The following RALGPS2 variants were observed in gnomAD, a reference collection of about 807,000 sequenced individuals.
RALGPS2 encodes the protein ras-specific guanine nucleotide-releasing factor RalGPS2.
Under a neutral mutation model 86.8 loss-of-function variants are expected in RALGPS2, and 43 were observed. The observed-to-expected ratio is 0.50, with a 90% CI of 0.39 to 0.64. RALGPS2 has a LOEUF of 0.64. Among genes scored for constraint, RALGPS2 ranks in the 30% least tolerant of loss-of-function variants. The pLI is 0.00. For synonymous variants in RALGPS2, 243 were observed against 231.3 expected, an observed-to-expected ratio of 1.05 and a Z score of -0.46; for missense variants, 536 against 694.6, an observed-to-expected ratio of 0.77 and a Z score of 2.57.
chr1:178,900,748 C>T (rs1329312491), intron 17 of RALGPS2, among the ~76,000 whole-genome samples: 2 of 151,942 alleles, frequency 1.3e-5, no homozygotes. Flanking sequence ...TGACACAAAC[C>T]TCTGATATAA....
chr1:178,895,870 A>G (rs1335634207), intron 16 of RALGPS2, among the ~76,000 whole-genome samples: 1 of 151,968 alleles, frequency 6.6e-6, no homozygotes, highest in African/African-American at 2.4e-5. Flanking sequence ...AGTATGGATC[A>G]TGAGGTCAGC....
At chr1:178,801,935 G>A (rs1253726069) in intron 4 of RALGPS2, among the ~76,000 whole-genome samples, 1 of 152,094 alleles carries the variant, frequency 6.6e-6, no homozygotes, top group Non-Finnish European at 1.5e-5. Flanking sequence ...AAGAGAAAAT[G>A]TTTTTGAACC....
intron 2 of RALGPS2, among the ~76,000 whole-genome samples, chr1:178,780,959 T>C (rs1316764165): frequency 6.6e-6 from 1 of 152,042 alleles, no homozygotes; most frequent in African/African-American, 2.4e-5. Flanking sequence ...TATATATGTT[T>C]GTAATATATG....
At chr1:178,754,264 C>A (rs1651841160) in intron 1 of RALGPS2, among the ~76,000 whole-genome samples, 1 of 151,016 alleles carries the variant, frequency 6.6e-6, no homozygotes, top group Non-Finnish European at 1.5e-5. Context: ...TAATTACATA[C>A]ACTATATAAT....
At chr1:178,870,272 T>C (rs1156402002) in intron 8 of RALGPS2, among the ~76,000 whole-genome samples, 1 of 152,164 alleles carries the variant, frequency 6.6e-6, no homozygotes, top group Non-Finnish European at 1.5e-5. Context: ...TATCTTAGCT[T>C]TGTTTTATGA....
At chr1:178,853,856 C>G (rs1477092854) in intron 8 of RALGPS2, 24 of 1,295,028 alleles carry the variant, frequency 1.9e-5, no homozygotes, top group Non-Finnish European at 2.1e-6. Context: ...AGTTTTTAAT[C>G]AAGATTTTTA....
chr1:178,776,393 G>A (rs1653085437), intron 1 of RALGPS2, among the ~76,000 whole-genome samples: 1 of 152,100 alleles, frequency 6.6e-6, no homozygotes, highest in Non-Finnish European at 1.5e-5. Context: ...TAAGAAAGTT[G>A]TACATTTGAT....
intron 1 of RALGPS2, among the ~76,000 whole-genome samples, chr1:178,748,572 G>T (rs1164171854): frequency 6.7e-6 from 1 of 150,084 alleles, no homozygotes; most frequent in Non-Finnish European, 1.5e-5. Context: ...GCAGGCACTG[G>T]CTGGGCACGG....
chr1:178,846,417 T>G (rs949530624), intron 8 of RALGPS2, among the ~76,000 whole-genome samples: 3 of 152,340 alleles, frequency 2.0e-5, no homozygotes, highest in Middle Eastern at 3.4e-3. Context: ...TTCACTGATT[T>G]TCTTTTGGAT....
At chr1:178,735,511 A>G (rs868222720) in intron 1 of RALGPS2, among the ~76,000 whole-genome samples, 11 of 145,452 alleles carry the variant, frequency 7.6e-5, no homozygotes, top group Admixed American at 2.1e-4. Context: ...TCTGCCTCCC[A>G]GGTCCTGCTT....
intron 6 of RALGPS2, among the ~76,000 whole-genome samples, chr1:178,813,015 C>T (rs759182520): frequency 6.9e-6 from 1 of 145,828 alleles, no homozygotes; most frequent in Non-Finnish European, 1.5e-5. Context: ...TCACTGCAAA[C>T]TCTGCCTCCC....
chr1:178,916,342 T>G lies in RALGPS2; in HGVS notation c.1735T>G (p.Leu579Val), dbSNP rs762026927. The G allele has an allele frequency of 1.2e-6, 2 of 1,602,468 alleles. No homozygotes were observed. The highest frequency in any genetic ancestry group is 1.7e-6 in the Non-Finnish European group (2 of 1,170,088). Reference sequence around the variant, plus strand: ...TTATATTTTTTAGGTTCCTACAAACTTGATGACTTTTGAGTAGAAGCCTGA... The same window carrying G: ...TTATATTTTTTAGGTTCCTACAAACGTGATGACTTTTGAGTAGAAGCCTGA... ...QSNKQQVPTN[L>V]MTFE Residue 579 changes from leucine to valine, a missense_variant, in exon 20 of 20, where the codon TTG becomes GTG. By Grantham distance (32) the Leu-to-Val change is conservative (BLOSUM62 1). This residue lies in a region of RALGPS2 where 309 missense variants were observed against 363.0 expected (regional missense o/e 0.85). Transcript: ENST00000367635.
At chr1:178,735,292 A>G (rs759341395) in intron 1 of RALGPS2, among the ~76,000 whole-genome samples, 2 of 152,130 alleles carry the variant, frequency 1.3e-5, no homozygotes, top group Non-Finnish European at 2.9e-5. Context: ...ATTTACATAA[A>G]GTTTAGGGCA....
intron 1 of RALGPS2, chr1:178,747,871 A>G: frequency 1.8e-6 from 1 of 560,992 alleles, no homozygotes; most frequent in Non-Finnish European, 3.2e-6. Context: ...TACTAAATAA[A>G]TGGGAATTAA....
In RALGPS2 at chr1:178,756,672, G is replaced by A. The variant is rs369663380; in HGVS notation, c.-83-20010G>A. Reference sequence around the variant, plus strand: ...TTTTTGGTTCCATATGAATTTTAGAGTAGTTTTTTTCTGGTTCTGTGAAAA... The same window carrying A: ...TTTTTGGTTCCATATGAATTTTAGAATAGTTTTTTTCTGGTTCTGTGAAAA... On this transcript the variant is annotated intron_variant, in intron 1 of 19. Transcript: ENST00000367635. Among the ~76,000 whole-genome samples the A allele has an allele frequency of 3.3e-5, 5 of 152,166 alleles. No individual in the cohort carries two copies. The East Asian group carries it at 5.8e-4, about 18-fold the overall frequency.
intron 1 of RALGPS2, among the ~76,000 whole-genome samples, chr1:178,768,010 T>A (rs180994440): frequency 6.6e-6 from 1 of 152,352 alleles, no homozygotes; most frequent in East Asian, 1.9e-4. Flanking sequence ...CCTAAAGTGC[T>A]GGGATTATAG....
intron 4 of RALGPS2, among the ~76,000 whole-genome samples, chr1:178,797,863 G>A (rs2102161792): frequency 6.6e-6 from 1 of 151,526 alleles, no homozygotes; most frequent in Admixed American, 6.6e-5. Flanking sequence ...CTCCTCACCA[G>A]CCTTAACCCT....
At chr1:178,861,723 C>T (rs1658025502) in intron 8 of RALGPS2, among the ~76,000 whole-genome samples, 1 of 152,124 alleles carries the variant, frequency 6.6e-6, no homozygotes, top group Non-Finnish European at 1.5e-5. Flanking sequence ...ATACAAACTA[C>T]TGATAAATTA....
chr1:178,869,518 G>A (rs1330143884), intron 8 of RALGPS2, among the ~76,000 whole-genome samples: 6 of 152,128 alleles, frequency 3.9e-5, no homozygotes, highest in East Asian at 1.9e-4. Flanking sequence ...TAAGAACTGA[G>A]GCTTAATGAA....
Sources: gnomAD v4.1 joint callset for allele counts (sites outside exome capture counted in the v4.1 genomes callset) on GRCh38, gnomAD v4.1.1 for gene constraint, gnomAD v4.1.1 regional missense constraint, MANE v1.5 for transcripts, NCBI Gene and HGNC (gene_info 2026-07-23, HGNC 2026-07-21) for gene names.